Variants in LRMDA observed in about 807,000 individuals in gnomAD.
LRMDA encodes the protein leucine rich melanocyte differentiation associated.
In LRMDA, 18 loss-of-function variants were observed where a neutral mutation model predicts 29.8. That is an observed-to-expected ratio of 0.60 (90% CI 0.42 to 0.90). The LOEUF (loss-of-function observed/expected upper bound fraction) is 0.90, where lower values mean the gene tolerates loss of function less well. Among genes scored for constraint, LRMDA ranks in the 40% least tolerant of loss-of-function variants. The probability of loss-of-function intolerance (pLI) is 0.00; values close to 1 mark genes in which losing one functional copy is unlikely to be tolerated. For synonymous variants in LRMDA, 125 were observed against 109.4 expected, an observed-to-expected ratio of 1.14 and a Z score of -0.89; for missense variants, 273 against 273.9, an observed-to-expected ratio of 1.00 and a Z score of 0.02.
chr10:75,467,703 C>T (rs934602559), intron 2 of LRMDA, among the ~76,000 whole-genome samples: 2 of 152,046 alleles, frequency 1.3e-5, no homozygotes, highest in African/African-American at 4.8e-5. Flanking sequence ...TGGCTCATGC[C>T]TGTAATCCCA....
intron 2 of LRMDA, among the ~76,000 whole-genome samples, chr10:76,002,768 C>T (rs1271918404): frequency 6.6e-6 from 1 of 151,964 alleles, no homozygotes; most frequent in Non-Finnish European, 1.5e-5. Context: ...GGAGGGGCTC[C>T]TACAAAAAAA....
In LRMDA at chr10:76,289,192, C is replaced by A. The variant is rs75135917; in HGVS notation, c.517-35209C>A. 3.4e-3 allele frequency among the ~76,000 whole-genome samples: 510 copies of A among 152,226 alleles called. 25 individuals carry two copies. In the East Asian group the frequency reaches 0.076, roughly 23 times the overall value. ...CTGTGTGGTGCTGAAGCAGATATTT[C>A]CAGAGCCTTCCTCAATGAGGGGGAA... On this transcript the variant is annotated intron_variant, in intron 5 of 6. Coordinates refer to ENST00000611255, the MANE Select transcript of LRMDA (RefSeq NM_001305581.2).
intron 6 of LRMDA, among the ~76,000 whole-genome samples, chr10:76,513,827 A>G (rs1377364230): frequency 6.6e-6 from 1 of 152,156 alleles, no homozygotes; most frequent in African/African-American, 2.4e-5. Flanking sequence ...CAGGTCAGGT[A>G]TGTGTGAATG....
chr10:75,525,790 T>C (rs2132039826), intron 2 of LRMDA, among the ~76,000 whole-genome samples: 1 of 151,740 alleles, frequency 6.6e-6, no homozygotes, highest in Non-Finnish European at 1.5e-5. Flanking sequence ...TTAGGGTATT[T>C]CTTACCAAAC....
chr10:76,420,495 G>A (rs1842061494), intron 6 of LRMDA, among the ~76,000 whole-genome samples: 1 of 151,576 alleles, frequency 6.6e-6, no homozygotes. Context: ...AAAAAGTTTT[G>A]GCTTTGTTGG....
In LRMDA at chr10:76,518,280, CATCTATCTATCTATCT is replaced by C. The variant is rs10568061; in HGVS notation, c.602-38897_602-38882del. ...CCTATCCATCTATCCATTTATCTAT[CATCTATCTATCTATCT>C]ATCTATCTATCTATCTATCTATCTA... On this transcript the variant is annotated intron_variant, in intron 6 of 6. Coordinates refer to ENST00000611255, the MANE Select transcript of LRMDA (RefSeq NM_001305581.2). 4.8e-3 allele frequency among the ~76,000 whole-genome samples: 698 copies of C among 146,672 alleles called. 5 individuals carry two copies. Among genetic ancestry groups the C allele is most frequent in the Middle Eastern group, 0.046 (13 of 284 alleles).
chr10:76,091,591 G>A (rs1025554007), intron 5 of LRMDA, among the ~76,000 whole-genome samples: 4 of 151,910 alleles, frequency 2.6e-5, no homozygotes, highest in African/African-American at 9.7e-5. Context: ...AGTCACTTGG[G>A]GGTGCTCAGT....
chr10:75,712,328 G>A (rs1842445558), intron 2 of LRMDA, among the ~76,000 whole-genome samples: 1 of 151,750 alleles, frequency 6.6e-6, no homozygotes, highest in African/African-American at 2.4e-5. Flanking sequence ...GAATCAGGTT[G>A]AGTATTAGTG....
chr10:75,866,406 C>G (rs1885823), intron 2 of LRMDA, among the ~76,000 whole-genome samples: 1 of 152,134 alleles, frequency 6.6e-6, no homozygotes, highest in East Asian at 1.9e-4. Context: ...CTTTCCCTGG[C>G]TTCAGACATC....
intron 5 of LRMDA, among the ~76,000 whole-genome samples, chr10:76,268,568 G>A (rs1840031874): frequency 6.6e-6 from 1 of 152,184 alleles, no homozygotes. Flanking sequence ...CCTGCATCAA[G>A]GACATCACTT....
intron 2 of LRMDA, among the ~76,000 whole-genome samples, chr10:75,850,412 A>C (rs1276018258): frequency 1.3e-5 from 2 of 152,170 alleles, no homozygotes; most frequent in Non-Finnish European, 2.9e-5. Context: ...CAAATCCACT[A>C]TTAGCTTCAA....
At chr10:76,125,339 T>C (rs376823235) in intron 5 of LRMDA, among the ~76,000 whole-genome samples, 61 of 152,338 alleles carry the variant, frequency 4.0e-4, no homozygotes, top group African/African-American at 1.4e-3. Flanking sequence ...ATTTTCATTC[T>C]TCCAAAATTA....
At chr10:75,713,948 A>G (rs1842467996) in intron 2 of LRMDA, among the ~76,000 whole-genome samples, 1 of 151,986 alleles carries the variant, frequency 6.6e-6, no homozygotes, top group Admixed American at 6.6e-5. Context: ...TTTTTCTTAA[A>G]GTTTGCTGGT....
At chr10:75,852,913 G>A (rs576805948) in intron 2 of LRMDA, among the ~76,000 whole-genome samples, 1 of 152,202 alleles carries the variant, frequency 6.6e-6, no homozygotes, top group East Asian at 1.9e-4. Context: ...CTACATAGCT[G>A]GAGAGACCTC....
chr10:75,771,770 T>TG (rs959516688), intron 2 of LRMDA, among the ~76,000 whole-genome samples: 3 of 151,330 alleles, frequency 2.0e-5, no homozygotes, highest in Non-Finnish European at 4.4e-5. Context: ...CAGACAGAGG[T>TG]GGGGGGGTTT....
chr10:75,502,063 C>T (rs1467674854), intron 2 of LRMDA, among the ~76,000 whole-genome samples: 2 of 152,198 alleles, frequency 1.3e-5, no homozygotes, highest in Non-Finnish European at 2.9e-5. Flanking sequence ...CTGTGTTCCT[C>T]TTGTGGCTCT....
At chr10:75,519,982 T>C (rs1337196230) in intron 2 of LRMDA, among the ~76,000 whole-genome samples, 1 of 152,218 alleles carries the variant, frequency 6.6e-6, no homozygotes, top group Non-Finnish European at 1.5e-5. Context: ...AAAATTCTTT[T>C]CTTTAAGAAT....
At chr10:76,459,033 A>G (rs1467658718) in intron 6 of LRMDA, among the ~76,000 whole-genome samples, 2 of 152,120 alleles carry the variant, frequency 1.3e-5, no homozygotes, top group Admixed American at 6.6e-5. Flanking sequence ...CCAGATGCAC[A>G]TTTCTTATTC....
intron 2 of LRMDA, among the ~76,000 whole-genome samples, chr10:75,785,217 C>T (rs1229666378): frequency 6.6e-6 from 1 of 152,220 alleles, no homozygotes; most frequent in Non-Finnish European, 1.5e-5. Context: ...TGCTCCTCTC[C>T]TTTCCTGTCT....
Sources: allele counts gnomAD v4.1 joint callset (sites outside exome capture counted in the v4.1 genomes callset), GRCh38; gene constraint gnomAD v4.1.1; transcripts MANE v1.5; gene names NCBI Gene and HGNC (gene_info 2026-07-23, HGNC 2026-07-21).